Variants in ZNF573 observed in about 807,000 individuals in gnomAD.
ZNF573 encodes zinc finger protein 573.
Under a neutral mutation model 57.4 loss-of-function variants are expected in ZNF573, and 41 were observed. The observed-to-expected ratio is 0.71, with a 90% CI of 0.56 to 0.93. The LOEUF is 0.93. ZNF573 is among the 40% of genes least tolerant of loss of function. The probability of loss-of-function intolerance (pLI) is 0.00; values close to 1 mark genes in which losing one functional copy is unlikely to be tolerated. For synonymous variants in ZNF573, 249 were observed against 261.0 expected, an observed-to-expected ratio of 0.95 and a Z score of 0.44; for missense variants, 730 against 794.8, an observed-to-expected ratio of 0.92 and a Z score of 0.98.
intron 4 of ZNF573, among the ~76,000 whole-genome samples, chr19:37,767,264 T>C (rs2045610381): frequency 1.3e-5 from 2 of 151,984 alleles, no homozygotes; most frequent in Non-Finnish European, 2.9e-5. Context: ...AGTCTCGCTC[T>C]GTCACCCAGG....
chr19:37,750,505 C>G (rs143873652), intron 4 of ZNF573, among the ~76,000 whole-genome samples: 340 of 152,004 alleles, frequency 2.2e-3, no homozygotes, highest in African/African-American at 7.9e-3. Flanking sequence ...CACATGATGA[C>G]CAAATTGGAG....
At chr19:37,768,349 G>A (rs1000382180) in intron 4 of ZNF573, among the ~76,000 whole-genome samples, 2 of 152,028 alleles carry the variant, frequency 1.3e-5, no homozygotes, top group African/African-American at 4.8e-5. Flanking sequence ...CTCCTCTTAG[G>A]ATCTCTATTC....
intron 1 of ZNF573, among the ~76,000 whole-genome samples, chr19:37,777,063 T>C (rs987346021): frequency 2.0e-5 from 3 of 152,210 alleles, no homozygotes; most frequent in African/African-American, 7.2e-5. Context: ...ACAACCACTA[T>C]GACAAACAGT....
chr19:37,759,603 C>T (rs2045531308), intron 4 of ZNF573, among the ~76,000 whole-genome samples: 2 of 152,040 alleles, frequency 1.3e-5, no homozygotes, highest in African/African-American at 4.8e-5. Context: ...TGGTGGGCAC[C>T]TGTAGTCCCA....
intron 4 of ZNF573, among the ~76,000 whole-genome samples, chr19:37,747,552 A>G (rs1286556047): frequency 2.0e-5 from 3 of 152,198 alleles, no homozygotes; most frequent in African/African-American, 7.2e-5. Context: ...AGTTGTTTCT[A>G]AAGAGTAGAG....
chr19:37,774,354 T>G (rs2145336363), intron 1 of ZNF573, among the ~76,000 whole-genome samples: 1 of 152,122 alleles, frequency 6.6e-6, no homozygotes, highest in South Asian at 2.1e-4. Context: ...TTGGCGGGGC[T>G]GGTCTTGAAC....
intron 1 of ZNF573, 22 bp from the exon 2 acceptor site, chr19:37,773,773 T>C: frequency 7.2e-7 from 1 of 1,396,170 alleles, no homozygotes; most frequent in Admixed American, 2.0e-5. Flanking sequence ...AAAGAGATGT[T>C]AGTGTTCCCA....
intron 3 of ZNF573, 45 bp downstream of exon 3, chr19:37,771,519 A>G: frequency 6.3e-7 from 1 of 1,589,756 alleles, no homozygotes. Context: ...GAAAGGTAAC[A>G]TATCACAGAT....
At chr19:37,755,834 CA>C (rs11362043) in intron 4 of ZNF573, among the ~76,000 whole-genome samples, 68,241 of 130,266 alleles carry the variant, frequency 0.52, 16,979 homozygotes, top group Non-Finnish European at 0.61. Flanking sequence ...TGGTTCTTCG[CA>C]AAAAAAAAAA....
chr19:37,759,476 C>T (rs1173447184), intron 4 of ZNF573, among the ~76,000 whole-genome samples: 1 of 152,046 alleles, frequency 6.6e-6, no homozygotes, highest in East Asian at 1.9e-4. Context: ...GCCTGTAATC[C>T]CAGAACTTTG....
chr19:37,770,120 A>G (rs1288609853), intron 3 of ZNF573, 23 bp from the exon 4 acceptor site: 21 of 1,510,682 alleles, frequency 1.4e-5, no homozygotes, highest in Admixed American at 8.9e-5. Flanking sequence ...GAAATGCCAC[A>G]TGGTATAAAA....
rs1454701855 is a variant in ZNF573 at position 37,770,848 on chromosome 19, A to G, written c.202+716T>C. ...TAAGTTATTTTATATATATATATAT[A>G]TATATATATATATATATATATATAT... On this transcript the variant is annotated intron_variant, in intron 3 of 4. Transcript: ENST00000536220. Among the ~76,000 whole-genome samples the G allele has an allele frequency of 8.7e-5, 5 of 57,152 alleles. 1 individual carries two copies. The East Asian group carries it at 1.5e-3, about 18-fold the overall frequency. The allele number at this position is 57,152 out of a possible 152,430, so 37.5% of individuals were successfully genotyped here. A position where few individuals can be genotyped will look rare whatever the true frequency, so the allele number is the denominator to read the frequency against.
rs2045300782 is a variant in ZNF573, at chr19:37,739,441, C to T, written c.1049G>A (p.Arg350Lys). The change falls in exon 5 of 5, where the codon AGA (arginine) becomes AAA (lysine). Residue 350 changes from arginine to lysine, a missense_variant. Physicochemically the swap from Arg to Lys is conservative, Grantham distance 26 (BLOSUM62 2). Coordinates refer to ENST00000536220, the MANE Select transcript of ZNF573 (RefSeq NM_001172690.2). Reference protein sequence around the residue: ...TTASYFLLHQRIHKGGKPYEC... With the variant: ...TTASYFLLHQKIHKGGKPYEC... ...ATAGGGTTTTCCACCTTTATGAATT[C>T]TCTGATGTAGAAGAAAGTATGAGGC... 1.2e-6 allele frequency: 2 copies of T among 1,614,020 alleles called. No individual in the cohort carries two copies. The highest frequency in any genetic ancestry group is 8.5e-7 in the Non-Finnish European group (1 of 1,179,992).
chr19:37,771,746 G>T, intron 2 of ZNF573, 50 bp from the exon 3 acceptor site: 2 of 1,555,836 alleles, frequency 1.3e-6, no homozygotes, highest in Non-Finnish European at 1.7e-6. Context: ...AAGAAGGAAA[G>T]ATAGGAGATT....
rs1568414352 is a variant in ZNF573, at chr19:37,739,640, T to C, written c.850A>G (p.Ser284Gly). The C allele has an allele frequency of 3.1e-6, 5 of 1,614,146 alleles. No individual in the cohort carries two copies. The highest frequency in any genetic ancestry group is 4.2e-6 in the Non-Finnish European group (5 of 1,180,016). Reference sequence around the variant, plus strand: ...TGTTCAACAAGATTTGAGCGCCTACTAAAAGTCTTCCCACATTCCTTACAT... The same window carrying C: ...TGTTCAACAAGATTTGAGCGCCTACCAAAAGTCTTCCCACATTCCTTACAT... ...YKCKECGKTF[S>G]RRSNLVEHGQ... Residue 284 changes from serine (S) to glycine (G), a missense_variant, in exon 5 of 5, where the codon AGT becomes GGT. Physicochemically the swap from Ser to Gly is moderately conservative, Grantham distance 56. Transcript: ENST00000536220.
rs149151599 is a variant in ZNF573, at chr19:37,739,752, A to G, written c.738T>C (p.Tyr246=). Residue 246 remains tyrosine (Y), a synonymous_variant, in exon 5 of 5, where the codon TAT becomes TAC. Coordinates refer to ENST00000536220, the MANE Select transcript of ZNF573 (RefSeq NM_001172690.2). ...HERIHTGGKP[Y]ECQECGRAFS... ...AGGCCCTCCCACACTCCTGACATTC[A>G]TACGGCTTCCCACCAGTGTGAATTC... is the stretch of plus-strand genomic sequence containing the variant. 80 of 1,613,954 alleles carry G rather than the reference A, an allele frequency of 5.0e-5. 1 individual carries two copies. Among genetic ancestry groups the G allele is most frequent in the East Asian group, 4.0e-4 (18 of 44,896 alleles).
At chr19:37,768,442 T>C (rs856302) in intron 4 of ZNF573, among the ~76,000 whole-genome samples, 129,337 of 152,004 alleles carry the variant, frequency 0.85, 55,389 homozygotes, top group African/African-American at 0.95. Flanking sequence ...CCTCCAATGC[T>C]TCAGCCATCT....
At chr19:37,772,601 C>T (rs1206421531) in intron 2 of ZNF573, among the ~76,000 whole-genome samples, 1 of 151,302 alleles carries the variant, frequency 6.6e-6, no homozygotes, top group African/African-American at 2.4e-5. Flanking sequence ...CTTACTCCGT[C>T]GTTAATCCAT....
intron 4 of ZNF573, among the ~76,000 whole-genome samples, chr19:37,757,061 C>CA (rs753576849): frequency 6.6e-6 from 1 of 151,574 alleles, no homozygotes; most frequent in Non-Finnish European, 1.5e-5. Flanking sequence ...GAAGGATGAC[C>CA]AAAAATGGAA....
Sources: allele counts gnomAD v4.1 joint callset (sites outside exome capture counted in the v4.1 genomes callset), GRCh38; gene constraint gnomAD v4.1.1; transcripts MANE v1.5; gene names NCBI Gene and HGNC (gene_info 2026-07-23, HGNC 2026-07-21).